PAX5: variants seen among roughly 807,000 people sequenced by gnomAD.
PAX5 encodes the protein paired box protein Pax-5.
Under a neutral mutation model 43.7 loss-of-function variants are expected in PAX5, and 9 were observed. The observed-to-expected ratio is 0.21, with a 90% confidence interval of 0.12 to 0.36. PAX5 has a LOEUF of 0.36. Among genes scored for constraint, PAX5 ranks in the 10% least tolerant of loss-of-function variants. PAX5 has a pLI of 1.00. For missense variants in PAX5, 383 were observed against 532.7 expected (o/e 0.72, Z 2.77); for synonymous variants, 228 against 214.3 (o/e 1.06, Z -0.56).
Position 36,848,880 on chromosome 9 carries a change from G to T in PAX5, c.1013-1951C>A, listed in dbSNP as rs1258552743. Among the ~76,000 whole-genome samples, 3 of 152,332 alleles carry T rather than the reference G, an allele frequency of 2.0e-5. 1 individual carries two copies. The highest frequency in any genetic ancestry group is 4.1e-4 in the South Asian group (2 of 4,824). ...TGGACATATTATCCATCCCCAGATT[G>T]GCTTTGGCTCCTGCAAAGGGCCATA... On this transcript the variant is annotated intron_variant, in intron 8 of 9. Coordinates refer to ENST00000358127, the MANE Select transcript of PAX5 (RefSeq NM_016734.3).
At position 36,966,658 on chromosome 9, in the gene PAX5, A is replaced by C; in HGVS notation, c.671T>G (p.Met224Arg). 6.2e-7 allele frequency: 1 copy of C among 1,614,206 alleles called. No individual in the cohort carries two copies. The highest frequency in any genetic ancestry group is 8.5e-7 in the Non-Finnish European group (1 of 1,180,036). Residue 224 changes from methionine (M) to arginine (R), a missense_variant, in exon 6 of 10, where the codon ATG becomes AGG. Coordinates refer to ENST00000358127, the MANE Select transcript of PAX5 (RefSeq NM_016734.3). ...CTGCTGTGTGAACAAGTCTCCCCGCATCTGCTTCCGGAGGAAGTCTCTGCC... is the reference window on the plus strand; with the variant it reads ...CTGCTGTGTGAACAAGTCTCCCCGCCTCTGCTTCCGGAGGAAGTCTCTGCC... ...LPGRDFLRKQ[M>R]RGDLFTQQQL...
At chr9:36,949,146 C>T (rs10814482) in intron 6 of PAX5, among the ~76,000 whole-genome samples, 38,372 of 152,058 alleles carry the variant, frequency 0.25, 5,295 homozygotes, top group East Asian at 0.6. Context: ...ACTGCAACCT[C>T]TGCCTCCGGG....
intron 7 of PAX5, among the ~76,000 whole-genome samples, chr9:36,920,268 C>A (rs1410667635): frequency 6.6e-6 from 1 of 152,136 alleles, no homozygotes; most frequent in South Asian, 2.1e-4. Flanking sequence ...GAAAGAAATT[C>A]TATGGTGGAT....
intron 1 of PAX5, among the ~76,000 whole-genome samples, chr9:37,032,403 G>C (rs577136140): frequency 2.6e-5 from 4 of 152,154 alleles, no homozygotes; most frequent in Non-Finnish European, 5.9e-5. Context: ...CTCTCTGAAA[G>C]TCCATCTGCT....
chr9:36,889,059 G>A (rs1273073711), intron 7 of PAX5, among the ~76,000 whole-genome samples: 1 of 152,190 alleles, frequency 6.6e-6, no homozygotes, highest in Non-Finnish European at 1.5e-5. Flanking sequence ...CTCTGTAACA[G>A]GATTAAAACA....
chr9:37,030,783 G>A (rs1840907165), intron 1 of PAX5, among the ~76,000 whole-genome samples: 1 of 152,216 alleles, frequency 6.6e-6, no homozygotes. Flanking sequence ...CATTACCGTG[G>A]CTTCAGGATG....
intron 5 of PAX5, among the ~76,000 whole-genome samples, chr9:36,980,393 TGCCGAA>T (rs1835810674): frequency 6.6e-6 from 1 of 152,160 alleles, no homozygotes; most frequent in African/African-American, 2.4e-5. Flanking sequence ...GGGGAGCCAT[TGCCGAA>T]GCCAGAGACA....
chr9:36,933,905 C>T (rs1362808300), intron 6 of PAX5, among the ~76,000 whole-genome samples: 1 of 144,042 alleles, frequency 6.9e-6, no homozygotes, highest in East Asian at 1.9e-4. Flanking sequence ...GGGAGATGGA[C>T]CAAATCCATT....
At chr9:37,028,493 C>T (rs1217343231) in intron 1 of PAX5, among the ~76,000 whole-genome samples, 1 of 152,152 alleles carries the variant, frequency 6.6e-6, no homozygotes, top group Non-Finnish European at 1.5e-5. Context: ...CTGGGGCGCA[C>T]CAGGGCGCAC....
intron 6 of PAX5, among the ~76,000 whole-genome samples, chr9:36,964,591 TCA>T (rs371507273): frequency 0.11 from 13,321 of 124,560 alleles, 797 homozygotes; most frequent in African/African-American, 0.18. Flanking sequence ...AAACTCCAGC[TCA>T]CAAAAAAAAA....
chr9:36,944,322 T>C (rs1172427747), intron 6 of PAX5, among the ~76,000 whole-genome samples: 3 of 152,012 alleles, frequency 2.0e-5, no homozygotes, highest in Non-Finnish European at 4.4e-5. Flanking sequence ...AAGCACTCAT[T>C]ATCCCCATTT....
rs960924498 is a variant in PAX5 at position 36,837,230 on chromosome 9, C to T, written c.*3330G>A. 3 of 233,026 alleles carry T rather than the reference C, an allele frequency of 1.3e-5. No individual in the cohort carries two copies. The highest frequency in any genetic ancestry group is 2.2e-5 in the African/African-American group (1 of 45,334). The allele number at this position is 233,026 out of a possible 1,614,324, so 14.4% of individuals were successfully genotyped here. On this transcript the variant is annotated 3_prime_UTR_variant, in exon 10 of 10. Coordinates refer to ENST00000358127, the MANE Select transcript of PAX5 (RefSeq NM_016734.3). Reference sequence around the variant, plus strand: ...TGAGAGCCCCAAATGTCAATTTCCCCGTCTATAAAGTAGGCATCATGCTCT... The same window carrying T: ...TGAGAGCCCCAAATGTCAATTTCCCTGTCTATAAAGTAGGCATCATGCTCT...
chr9:36,867,547 G>A (rs910242112), intron 8 of PAX5, among the ~76,000 whole-genome samples: 3 of 151,412 alleles, frequency 2.0e-5, no homozygotes, highest in Non-Finnish European at 4.4e-5. Flanking sequence ...GTGGGGGTTC[G>A]TCTTCTTAGC....
chr9:36,868,068 G>C (rs1340486929), intron 8 of PAX5, among the ~76,000 whole-genome samples: 1 of 152,212 alleles, frequency 6.6e-6, no homozygotes, highest in Non-Finnish European at 1.5e-5. Flanking sequence ...TCCCCCGAGA[G>C]GGGAAGGAGG....
chr9:37,005,014 A>C (rs1163216873), intron 4 of PAX5, among the ~76,000 whole-genome samples: 1 of 152,228 alleles, frequency 6.6e-6, no homozygotes, highest in Admixed American at 6.5e-5. Context: ...CATGCTGCTG[A>C]CCTACAGTAG....
chr9:36,999,269 G>C (rs1267341885), intron 5 of PAX5, among the ~76,000 whole-genome samples: 1 of 152,126 alleles, frequency 6.6e-6, no homozygotes, highest in Non-Finnish European at 1.5e-5. Flanking sequence ...CCTTTGATTG[G>C]AATGCCCTCT....
intron 6 of PAX5, among the ~76,000 whole-genome samples, chr9:36,930,711 C>G (rs574459775): frequency 6.6e-6 from 1 of 152,116 alleles, no homozygotes; most frequent in Admixed American, 6.5e-5. Flanking sequence ...AATTTTAATT[C>G]TAGTCCCTAG....
intron 5 of PAX5, among the ~76,000 whole-genome samples, chr9:36,973,150 G>T (rs1402154919): frequency 1.2e-5 from 1 of 80,142 alleles, no homozygotes; most frequent in Admixed American, 1.5e-4. Flanking sequence ...GAAAGGAAAG[G>T]AAAGGAAAGG....
intron 1 of PAX5, among the ~76,000 whole-genome samples, chr9:37,029,101 G>A (rs1840710634): frequency 6.6e-6 from 1 of 152,216 alleles, no homozygotes; most frequent in Non-Finnish European, 1.5e-5. Flanking sequence ...TTTCATGAGT[G>A]ATGATCCGCT....
Sources: gnomAD v4.1 joint callset for allele counts (sites outside exome capture counted in the v4.1 genomes callset) on GRCh38, gnomAD v4.1.1 for gene constraint, MANE v1.5 for transcripts, NCBI Gene and HGNC (gene_info 2026-07-23, HGNC 2026-07-21) for gene names.